The following UGCG variants were observed in gnomAD, a reference collection of about 807,000 sequenced individuals.
UGCG encodes the protein UDP-glucose ceramide glucosyltransferase.
A neutral mutation model predicts 49.5 loss-of-function variants in UGCG; 10 were observed. The observed-to-expected ratio is 0.20, with a 90% confidence interval of 0.12 to 0.34. The LOEUF is 0.34. UGCG is among the 10% of genes least tolerant of loss of function. The pLI is 1.00. For synonymous variants in UGCG, 182 were observed against 158.2 expected (o/e 1.15, Z -1.13); for missense variants, 312 against 483.7 (o/e 0.65, Z 3.33).
chr9:111,917,048 A>G (rs763150539), intron 2 of UGCG, among the ~76,000 whole-genome samples: 2 of 152,162 alleles, frequency 1.3e-5, no homozygotes, highest in East Asian at 1.9e-4. Context: ...AATGATCTCA[A>G]GAGCTCTTGT....
intron 1 of UGCG, among the ~76,000 whole-genome samples, chr9:111,912,637 A>G (rs1838034127): frequency 6.6e-6 from 1 of 152,198 alleles, no homozygotes; most frequent in African/African-American, 2.4e-5. Context: ...GTAAACTACA[A>G]TAAAAATAAA....
rs1589513560 is a variant in UGCG at position 111,897,018 on chromosome 9, C to T, written c.-198C>T. The T allele has an allele frequency of 3.1e-6, 1 of 325,350 alleles. No individual in the cohort carries two copies. Among genetic ancestry groups the T allele is most frequent in the Non-Finnish European group, 5.5e-6 (1 of 181,460 alleles). 20.2% of individuals were successfully genotyped at this position (325,350 alleles called of 1,614,324 possible). On this transcript the variant is annotated 5_prime_UTR_variant, in exon 1 of 9. Coordinates refer to ENST00000374279, the MANE Select transcript of UGCG (RefSeq NM_003358.3). ...GCCCGCGAGCGCGCCGAAGACAGCG[C>T]GCAGGCGAGAGCGCGCGGGCGGGGG...
At chr9:111,930,296 TAGA>T (rs1418532946) in intron 6 of UGCG, among the ~76,000 whole-genome samples, 6 of 152,220 alleles carry the variant, frequency 3.9e-5, no homozygotes, top group African/African-American at 7.2e-5. Context: ...TTCTGTGTTT[TAGA>T]AGAATTAAAA....
intron 1 of UGCG, among the ~76,000 whole-genome samples, chr9:111,909,799 G>A (rs983568879): frequency 1.3e-5 from 2 of 152,162 alleles, no homozygotes; most frequent in African/African-American, 4.8e-5. Flanking sequence ...GGCTTTGTTG[G>A]TTGCGTTATG....
chr9:111,897,287 G>T lies in UGCG; in HGVS notation c.72G>T (p.Leu24=). ...FGFVLFLVLW[L]MHFMAIIYTR... ...TCGTCCTCTTCTTGGTGCTGTGGCT[G>T]ATGCATTTCATGGCTATCATCTACA... Residue 24 remains leucine (L), a synonymous_variant, in exon 1 of 9, where the codon CTG becomes CTT. Coordinates refer to ENST00000374279, the MANE Select transcript of UGCG (RefSeq NM_003358.3). The T allele has an allele frequency of 6.4e-7, 1 of 1,560,116 alleles. No individual in the cohort carries two copies. Among genetic ancestry groups the T allele is most frequent in the East Asian group, 2.4e-5 (1 of 41,788 alleles).
At chr9:111,899,024 T>C (rs1219978100) in intron 1 of UGCG, among the ~76,000 whole-genome samples, 1 of 152,236 alleles carries the variant, frequency 6.6e-6, no homozygotes, top group Admixed American at 6.5e-5. Context: ...GTTTTTTGCA[T>C]GTCAATATCT....
At chr9:111,921,319 A>C (rs184789326) in intron 2 of UGCG, among the ~76,000 whole-genome samples, 1 of 152,114 alleles carries the variant, frequency 6.6e-6, no homozygotes, top group African/African-American at 2.4e-5. Context: ...TACAAATAAT[A>C]GAGTAGTATT....
intron 1 of UGCG, among the ~76,000 whole-genome samples, chr9:111,906,817 C>T (rs375431089): frequency 6.6e-6 from 1 of 152,186 alleles, no homozygotes; most frequent in African/African-American, 2.4e-5. Flanking sequence ...CCTTCCATCT[C>T]CCCTGCCTGT....
At chr9:111,913,558 G>A (rs368030755) in intron 1 of UGCG, among the ~76,000 whole-genome samples, 178 of 150,740 alleles carry the variant, frequency 1.2e-3, no homozygotes, top group African/African-American at 4.1e-3. Context: ...TCAGCCTCCC[G>A]AGTAGCTGGG....
chr9:111,930,853 A>G (rs1300428077), intron 6 of UGCG, among the ~76,000 whole-genome samples: 2 of 152,202 alleles, frequency 1.3e-5, no homozygotes, highest in Non-Finnish European at 2.9e-5. Context: ...TTTAAATACA[A>G]ATTCTGTCAT....
chr9:111,919,688 G>C (rs763930562), intron 2 of UGCG, among the ~76,000 whole-genome samples: 1 of 150,234 alleles, frequency 6.7e-6, no homozygotes, highest in Non-Finnish European at 1.5e-5. Context: ...CCAGCTACTC[G>C]GGAGGCTGAG....
chr9:111,929,769 A>G lies in UGCG; in HGVS notation c.737+91A>G, dbSNP rs1589529981. 4 of 1,441,382 alleles carry G rather than the reference A, an allele frequency of 2.8e-6. No individual in the cohort carries two copies. In the East Asian group the frequency reaches 9.5e-5, roughly 34 times the overall value. The allele number at this position is 1,441,382 out of a possible 1,614,324, so 89.3% of individuals were successfully genotyped here. On this transcript the variant is annotated intron_variant, in intron 6 of 8. Coordinates refer to ENST00000374279, the MANE Select transcript of UGCG (RefSeq NM_003358.3). ...TCAACCTATAGATTAGGGCTTTTTA[A>G]TTTAATTTTATTTTTTTTGCTAGTA...
At chr9:111,918,953 A>AAC (rs71373798) in intron 2 of UGCG, among the ~76,000 whole-genome samples, 3 of 49,476 alleles carry the variant, frequency 6.1e-5, no homozygotes, top group African/African-American at 5.1e-4. Flanking sequence ...ACAAAAAAAC[A>AAC]AAAAAAAACA....
intron 4 of UGCG, among the ~76,000 whole-genome samples, chr9:111,925,583 G>T (rs1838300834): frequency 6.6e-6 from 1 of 152,206 alleles, no homozygotes; most frequent in African/African-American, 2.4e-5. Context: ...GATGTCCCCT[G>T]TGGGGCAGAA....
At chr9:111,924,254 A>G (rs1180856133) in intron 3 of UGCG, among the ~76,000 whole-genome samples, 2 of 152,180 alleles carry the variant, frequency 1.3e-5, no homozygotes, top group Non-Finnish European at 2.9e-5. Context: ...GTACAGCACG[A>G]TGTTTTGAAA....
chr9:111,901,420 A>G (rs1435828928), intron 1 of UGCG, among the ~76,000 whole-genome samples: 3 of 152,166 alleles, frequency 2.0e-5, no homozygotes, highest in Non-Finnish European at 4.4e-5. Context: ...TCATTGCTAC[A>G]GGGCTACTTT....
At chr9:111,911,927 T>G (rs1204618265) in intron 1 of UGCG, among the ~76,000 whole-genome samples, 5 of 24,806 alleles carry the variant, frequency 2.0e-4, no homozygotes, top group African/African-American at 9.7e-4. Flanking sequence ...TATATATATA[T>G]ATATATATAT....
At chr9:111,907,154 G>T (rs1265615674) in intron 1 of UGCG, among the ~76,000 whole-genome samples, 1 of 152,170 alleles carries the variant, frequency 6.6e-6, no homozygotes, top group African/African-American at 2.4e-5. Flanking sequence ...TGAAAGTCTG[G>T]AAAGACCGCC....
intron 1 of UGCG, among the ~76,000 whole-genome samples, chr9:111,900,464 G>A (rs1037612957): frequency 8.3e-6 from 1 of 120,656 alleles, no homozygotes; most frequent in African/African-American, 3.2e-5. Context: ...TTACCTGGAG[G>A]TGTATATGTA....
Sources: allele counts gnomAD v4.1 joint callset (sites outside exome capture counted in the v4.1 genomes callset), GRCh38; gene constraint gnomAD v4.1.1; transcripts MANE v1.5; gene names NCBI Gene and HGNC (gene_info 2026-07-23, HGNC 2026-07-21).